The following TTL variants were observed in gnomAD, a reference collection of about 807,000 sequenced individuals.
TTL encodes tubulin--tyrosine ligase.
TTL carries 10 observed loss-of-function variants against 41.1 expected under a neutral mutation model. The ratio of observed to expected loss-of-function variants is 0.24; its 90% CI spans 0.15 to 0.41. The LOEUF (loss-of-function observed/expected upper bound fraction) is 0.41, where lower values mean the gene tolerates loss of function less well. Ranked by LOEUF, TTL falls within the 10% of genes least tolerant of loss-of-function variation. The pLI, the probability that TTL is intolerant of heterozygous loss-of-function variation, is 1.00. For missense variants in TTL, 367 were observed against 460.4 expected, an observed-to-expected ratio of 0.80 and a Z score of 1.86; for synonymous variants, 175 against 175.5, an observed-to-expected ratio of 1.00 and a Z score of 0.02.
intron 6 of TTL, chr2:112,522,157 G>C (rs992614087): frequency 6.6e-6 from 1 of 152,398 alleles, no homozygotes; most frequent in African/African-American, 2.4e-5. Flanking sequence ...TCAAAAAGAT[G>C]TCCTCCCCTG....
At chr2:112,495,336 A>G (rs934610342) in intron 3 of TTL, among the ~76,000 whole-genome samples, 1 of 152,044 alleles carries the variant, frequency 6.6e-6, no homozygotes, top group Non-Finnish European at 1.5e-5. Flanking sequence ...TTCTCTGTCC[A>G]TCTCTCCTAT....
Position 112,530,398 on chromosome 2 carries a change from C to T in TTL, c.*1603C>T, listed in dbSNP as rs533813621. On this transcript the variant is annotated 3_prime_UTR_variant, in exon 7 of 7. Coordinates refer to ENST00000233336, the MANE Select transcript of TTL (RefSeq NM_153712.5). Reference sequence around the variant, plus strand: ...AAATTTGGAATTACAAAATAAACGTCCTGGGGGTTACCCAGAATACAGATT... The same window carrying T: ...AAATTTGGAATTACAAAATAAACGTTCTGGGGGTTACCCAGAATACAGATT... 1.6e-4 allele frequency: 37 copies of T among 231,214 alleles called. No individual in the cohort carries two copies. In the South Asian group the frequency reaches 4.9e-3, roughly 31 times the overall value. The allele number at this position is 231,214 out of a possible 1,614,324, so 14.3% of individuals were successfully genotyped here.
chr2:112,494,902 G>C (rs1479760428), intron 3 of TTL, among the ~76,000 whole-genome samples: 1 of 151,974 alleles, frequency 6.6e-6, no homozygotes, highest in Non-Finnish European at 1.5e-5. Flanking sequence ...TGTAACTGCC[G>C]AGCCTGCTCT....
chr2:112,503,377 G>A (rs1234919075), intron 5 of TTL, among the ~76,000 whole-genome samples, 196 bp downstream of exon 5: 2 of 144,390 alleles, frequency 1.4e-5, no homozygotes, highest in Non-Finnish European at 3.0e-5. Flanking sequence ...ATGGTTATAT[G>A]TGTGTGTGTA....
chr2:112,521,321 A>G (rs1199558242), intron 6 of TTL: 9 of 985,156 alleles, frequency 9.1e-6, no homozygotes, highest in Non-Finnish European at 9.6e-6. Context: ...AGCGTCATGG[A>G]GTCATTAAGG....
chr2:112,521,081 C>A, intron 6 of TTL: 1 of 682,732 alleles, frequency 1.5e-6, no homozygotes, highest in Non-Finnish European at 1.8e-6. Flanking sequence ...AGGAAGGAGT[C>A]AGAGAAGGCA....
chr2:112,486,645 C>T (rs941442497), intron 2 of TTL, among the ~76,000 whole-genome samples: 21 of 152,142 alleles, frequency 1.4e-4, no homozygotes, highest in Non-Finnish European at 2.2e-4. Context: ...TGGAAGGAGA[C>T]GGTGTTAGAC....
chr2:112,515,196 C>T (rs1682034203), intron 5 of TTL, among the ~76,000 whole-genome samples: 1 of 152,140 alleles, frequency 6.6e-6, no homozygotes. Flanking sequence ...TTACCCATGG[C>T]AGAGTAATCC....
intron 6 of TTL, among the ~76,000 whole-genome samples, chr2:112,525,304 G>A (rs1165187247): frequency 6.6e-6 from 1 of 152,156 alleles, no homozygotes; most frequent in Non-Finnish European, 1.5e-5. Flanking sequence ...GAACTTTAAA[G>A]TAGTTTTTTC....
chr2:112,514,267 A>G (rs1390664116), intron 5 of TTL, among the ~76,000 whole-genome samples: 1 of 151,996 alleles, frequency 6.6e-6, no homozygotes, highest in Non-Finnish European at 1.5e-5. Context: ...CTGTGGTCGC[A>G]GCTACTCGGG....
At chr2:112,497,688 A>G (rs1681573541) in intron 3 of TTL, among the ~76,000 whole-genome samples, 1 of 151,906 alleles carries the variant, frequency 6.6e-6, no homozygotes, top group African/African-American at 2.4e-5. Context: ...GAAGCTCACC[A>G]GATGGTCGAA....
chr2:112,525,942 T>C (rs1162036193), intron 6 of TTL, among the ~76,000 whole-genome samples: 1 of 152,238 alleles, frequency 6.6e-6, no homozygotes, highest in African/African-American at 2.4e-5. Context: ...ATAGCTCTTA[T>C]TATTTTGAGA....
intron 6 of TTL, among the ~76,000 whole-genome samples, chr2:112,528,426 C>T (rs972967320): frequency 6.6e-6 from 1 of 152,018 alleles, no homozygotes; most frequent in African/African-American, 2.4e-5. Context: ...ATAGCAAGAC[C>T]CTGTCTCTAC....
intron 5 of TTL, among the ~76,000 whole-genome samples, chr2:112,507,532 A>G (rs1295371060): frequency 2.8e-5 from 3 of 106,006 alleles, no homozygotes; most frequent in Non-Finnish European, 5.7e-5. Flanking sequence ...TAGGATAGTT[A>G]GCTCCTCTTG....
At chr2:112,509,558 G>T (rs1356317756) in intron 5 of TTL, among the ~76,000 whole-genome samples, 1 of 152,090 alleles carries the variant, frequency 6.6e-6, no homozygotes, top group African/African-American at 2.4e-5. Context: ...GCAATATTCG[G>T]GTGGGAGTGA....
In TTL at chr2:112,540,539, G is replaced by A. The variant is rs1304186164; in HGVS notation, c.*11744G>A. 1.3e-5 allele frequency: 2 copies of A among 152,130 alleles called. No individual in the cohort carries two copies. The highest frequency in any genetic ancestry group is 4.8e-5 in the African/African-American group (2 of 41,406). 9.4% of individuals were successfully genotyped at this position (152,130 alleles called of 1,614,324 possible). On this transcript the variant is annotated 3_prime_UTR_variant, in exon 7 of 7. Transcript: ENST00000233336. ...ATCTGGAGAAAGAAGAACAAAGTTGGAGGATGTGCACTTCCTGATTTCAAA... is the reference window on the plus strand; with the variant it reads ...ATCTGGAGAAAGAAGAACAAAGTTGAAGGATGTGCACTTCCTGATTTCAAA...
In TTL at chr2:112,537,392, A is replaced by T. The variant is rs1682617471; in HGVS notation, c.*8597A>T. ...CACCATGCCCAGCTGCTCTGTTTTA[A>T]ATTCTTTGAGAAATCTCCAAACTTC... On this transcript the variant is annotated 3_prime_UTR_variant, in exon 7 of 7. Coordinates refer to ENST00000233336, the MANE Select transcript of TTL (RefSeq NM_153712.5). 1 of 152,218 alleles carries T rather than the reference A, an allele frequency of 6.6e-6. No individual in the cohort carries two copies. The highest frequency in any genetic ancestry group is 1.5e-5 in the Non-Finnish European group (1 of 68,064). The allele number at this position is 152,218 out of a possible 1,614,324, so 9.4% of individuals were successfully genotyped here.
At chr2:112,485,576 T>C (rs1028693875) in intron 1 of TTL, among the ~76,000 whole-genome samples, 2 of 152,180 alleles carry the variant, frequency 1.3e-5, no homozygotes, top group African/African-American at 4.8e-5. Context: ...AGTCTATATG[T>C]GTTAAGCCAG....
At position 112,540,654 on chromosome 2, in the gene TTL, G is replaced by C. The variant is rs1209761490; in HGVS notation, c.*11859G>C. 6.6e-6 allele frequency: 1 copy of C among 152,186 alleles called. No individual in the cohort carries two copies. Among genetic ancestry groups the C allele is most frequent in the Non-Finnish European group, 1.5e-5 (1 of 68,028 alleles). The allele number at this position is 152,186 out of a possible 1,614,324, so 9.4% of individuals were successfully genotyped here. A position where few individuals can be genotyped will look rare whatever the true frequency, so the allele number is the denominator to read the frequency against. ...GATAGACATACAGATCAAGAGAATA[G>C]AACTGAGAGTCAAAAATAAACCCTT... On this transcript the variant is annotated 3_prime_UTR_variant, in exon 7 of 7. Coordinates refer to ENST00000233336, the MANE Select transcript of TTL (RefSeq NM_153712.5).
Sources: gnomAD v4.1 joint callset for allele counts (sites outside exome capture counted in the v4.1 genomes callset) on GRCh38, gnomAD v4.1.1 for gene constraint, MANE v1.5 for transcripts, NCBI Gene and HGNC (gene_info 2026-07-23, HGNC 2026-07-21) for gene names.